The following ETV1 variants were observed in gnomAD, a reference collection of about 807,000 sequenced individuals.
ETV1 encodes the protein ETS variant transcription factor 1.
A neutral mutation model predicts 62.3 loss-of-function variants in ETV1; 27 were observed. That is an observed-to-expected ratio of 0.43 (90% confidence interval 0.32 to 0.60). ETV1 has a LOEUF of 0.60. ETV1 is among the 20% of genes least tolerant of loss of function. The pLI is 0.06. For missense variants in ETV1, 605 were observed against 605.8 expected (o/e 1.00, Z 0.01); for synonymous variants, 222 against 199.6 (o/e 1.11, Z -0.94).
At chr7:13,907,404 G>A (rs142766888) in intron 11 of ETV1, among the ~76,000 whole-genome samples, 307 of 152,134 alleles carry the variant, frequency 2.0e-3, no homozygotes, top group Middle Eastern at 6.8e-3. Flanking sequence ...CTGTAAGTAT[G>A]TATTTTTAAG....
intron 9 of ETV1, among the ~76,000 whole-genome samples, chr7:13,927,811 C>T (rs971919973): frequency 1.3e-5 from 2 of 152,100 alleles, no homozygotes; most frequent in African/African-American, 4.8e-5. Flanking sequence ...TATTTTAAAT[C>T]CTGTCAGAAA....
At chr7:13,969,746 A>T (rs1454273666) in intron 6 of ETV1, among the ~76,000 whole-genome samples, 2 of 152,220 alleles carry the variant, frequency 1.3e-5, no homozygotes, top group African/African-American at 2.4e-5. Flanking sequence ...CATTAAAGTA[A>T]TTAAAACCTA....
chr7:13,952,072 T>C (rs896856695), intron 6 of ETV1, among the ~76,000 whole-genome samples: 1 of 151,510 alleles, frequency 6.6e-6, no homozygotes, highest in Admixed American at 6.6e-5. Flanking sequence ...TAAATAAACA[T>C]GGAAAACGTC....
At chr7:13,969,988 G>T (rs1027278886) in intron 6 of ETV1, among the ~76,000 whole-genome samples, 5 of 152,066 alleles carry the variant, frequency 3.3e-5, no homozygotes, top group African/African-American at 1.2e-4. Context: ...CAGGCGCAGT[G>T]GCTCACGCCT....
At chr7:13,949,451 T>C (rs943448948) in intron 6 of ETV1, among the ~76,000 whole-genome samples, 1 of 152,168 alleles carries the variant, frequency 6.6e-6, no homozygotes, top group African/African-American at 2.4e-5. Flanking sequence ...TCACATGCTT[T>C]GTGAATCCAT....
chr7:13,899,340 G>T (rs891512966), intron 13 of ETV1, among the ~76,000 whole-genome samples: 4 of 152,162 alleles, frequency 2.6e-5, no homozygotes, highest in Non-Finnish European at 5.9e-5. Flanking sequence ...CATTTTGAAG[G>T]CATGATTGAG....
intron 5 of ETV1, chr7:13,986,283 G>A (rs773095511): frequency 1.5e-4 from 222 of 1,509,598 alleles, no homozygotes; most frequent in Non-Finnish European, 1.7e-4. Flanking sequence ...CAAGCCAGCC[G>A]GGTTCTGGCT....
intron 8 of ETV1, among the ~76,000 whole-genome samples, chr7:13,933,858 G>A (rs1454589355): frequency 6.6e-6 from 1 of 152,214 alleles, no homozygotes; most frequent in African/African-American, 2.4e-5. Flanking sequence ...CTGACTTCAA[G>A]TAGAGAAACT....
chr7:13,919,178 A>G (rs1051360954), intron 9 of ETV1, among the ~76,000 whole-genome samples: 6 of 152,172 alleles, frequency 3.9e-5, no homozygotes, highest in African/African-American at 1.4e-4. Context: ...AAAAACACTA[A>G]AAGATGAGAG....
At chr7:13,937,040 T>A (rs1321940073) in intron 7 of ETV1, among the ~76,000 whole-genome samples, 1 of 135,512 alleles carries the variant, frequency 7.4e-6, no homozygotes, top group African/African-American at 2.5e-5. Context: ...AGACCCTGTC[T>A]CAAAAAAAAA....
chr7:13,901,925 T>C (rs999069712), intron 12 of ETV1, among the ~76,000 whole-genome samples: 9 of 152,154 alleles, frequency 5.9e-5, no homozygotes, highest in Non-Finnish European at 1.2e-4. Flanking sequence ...TAAGAGTTTT[T>C]CAATAGAGCT....
At chr7:13,915,612 T>C (rs918140728) in intron 9 of ETV1, among the ~76,000 whole-genome samples, 4 of 152,218 alleles carry the variant, frequency 2.6e-5, no homozygotes, top group Non-Finnish European at 4.4e-5. Flanking sequence ...TACCTGAGTT[T>C]TATGCAGATG....
At chr7:13,930,832 T>G (rs1054564409) in intron 9 of ETV1, among the ~76,000 whole-genome samples, 3 of 150,836 alleles carry the variant, frequency 2.0e-5, no homozygotes, top group South Asian at 2.1e-4. Flanking sequence ...ACGGAGTCTC[T>G]CTCTGTCACC....
chr7:13,973,366 G>T (rs368169311), intron 6 of ETV1, among the ~76,000 whole-genome samples: 1 of 152,122 alleles, frequency 6.6e-6, no homozygotes, highest in African/African-American at 2.4e-5. Context: ...TCTCTTTCTA[G>T]AGATAGATCC....
At chr7:13,929,571 C>G (rs1453692287) in intron 9 of ETV1, among the ~76,000 whole-genome samples, 1 of 152,168 alleles carries the variant, frequency 6.6e-6, no homozygotes, top group Non-Finnish European at 1.5e-5. Context: ...TTGGGCCACA[C>G]TGTGAGAGTT....
intron 6 of ETV1, among the ~76,000 whole-genome samples, chr7:13,953,702 G>T (rs1461775748): frequency 6.6e-6 from 1 of 151,658 alleles, no homozygotes; most frequent in Non-Finnish European, 1.5e-5. Context: ...GAAAAAGGTG[G>T]GCTTCCTTCT....
intron 7 of ETV1, among the ~76,000 whole-genome samples, chr7:13,936,599 T>G (rs2128456833): frequency 6.6e-6 from 1 of 152,342 alleles, no homozygotes; most frequent in African/African-American, 2.4e-5. Flanking sequence ...TGAGTAAGCT[T>G]GATTTTACAT....
chr7:13,909,784 T>G (rs1583591083), intron 10 of ETV1, 84 bp from the exon 11 acceptor site: 2 of 1,223,178 alleles, frequency 1.6e-6, no homozygotes, highest in East Asian at 2.3e-5. Flanking sequence ...ACATAAAAAT[T>G]GTGATAGAAA....
chr7:13,933,788 G>C (rs758767733), intron 8 of ETV1, among the ~76,000 whole-genome samples: 5 of 152,328 alleles, frequency 3.3e-5, no homozygotes, highest in Admixed American at 6.5e-5. Context: ...GGGGTCAGTG[G>C]GAAAAGACCC....
Sources: allele counts gnomAD v4.1 joint callset (sites outside exome capture counted in the v4.1 genomes callset), GRCh38; gene constraint gnomAD v4.1.1; transcripts MANE v1.5; gene names NCBI Gene and HGNC (gene_info 2026-07-23, HGNC 2026-07-21).